Variants in ADAM10 observed in about 807,000 individuals in gnomAD.
ADAM10 encodes the protein ADAM metallopeptidase domain 10.
ADAM10 carries 17 observed loss-of-function variants against 90.1 expected under a neutral mutation model. That is an observed-to-expected ratio of 0.19 (90% CI 0.13 to 0.28). ADAM10 has a LOEUF of 0.28. ADAM10 is among the 10% of genes least tolerant of loss of function. The pLI is 1.00. For synonymous variants in ADAM10, 310 were observed against 298.6 expected, an observed-to-expected ratio of 1.04 and a Z score of -0.40; for missense variants, 610 against 914.3, an observed-to-expected ratio of 0.67 and a Z score of 4.29.
In ADAM10 at chr15:58,594,307, C is replaced by A. The variant is rs1184817555; in HGVS notation, c.*3240G>T. On this transcript the variant is annotated 3_prime_UTR_variant, in exon 16 of 16. Transcript: ENST00000260408. ...AATTAGAAATACTTAATAAGAAATG[C>A]CTTCTCATGCACAAGCCCCGAAATT... 6.6e-6 allele frequency: 1 copy of A among 152,202 alleles called. No homozygotes were observed. The allele number at this position is 152,202 out of a possible 1,614,324, so 9.4% of individuals were successfully genotyped here. A position where few individuals can be genotyped will look rare whatever the true frequency, so the allele number is the denominator to read the frequency against.
At chr15:58,724,694 C>T (rs911797015) in intron 1 of ADAM10, among the ~76,000 whole-genome samples, 2 of 152,168 alleles carry the variant, frequency 1.3e-5, no homozygotes, top group African/African-American at 4.8e-5. Context: ...AAGGGTTTGG[C>T]TGACTACTGA....
intron 1 of ADAM10, among the ~76,000 whole-genome samples, chr15:58,718,221 G>C (rs1426844088): frequency 6.6e-6 from 1 of 152,040 alleles, no homozygotes; most frequent in Non-Finnish European, 1.5e-5. Context: ...GCTTATTTCT[G>C]TACCTGCTCT....
At chr15:58,708,370 A>T (rs1173033293) in intron 2 of ADAM10, among the ~76,000 whole-genome samples, 3 of 152,082 alleles carry the variant, frequency 2.0e-5, no homozygotes, top group Non-Finnish European at 4.4e-5. Flanking sequence ...GATAAAAAAA[A>T]AATAATTGAG....
intron 11 of ADAM10, among the ~76,000 whole-genome samples, chr15:58,613,864 C>A (rs1276494330): frequency 6.6e-6 from 1 of 152,122 alleles, no homozygotes; most frequent in South Asian, 2.1e-4. Context: ...GCCTGTAATG[C>A]CAGAACTTTG....
At chr15:58,661,284 A>C (rs774284426) in intron 5 of ADAM10, among the ~76,000 whole-genome samples, 1 of 152,148 alleles carries the variant, frequency 6.6e-6, no homozygotes, top group Non-Finnish European at 1.5e-5. Context: ...CCGAGTTTCC[A>C]TCTGGTATCT....
intron 2 of ADAM10, among the ~76,000 whole-genome samples, chr15:58,696,193 A>G (rs2140782132): frequency 6.6e-6 from 1 of 152,162 alleles, no homozygotes; most frequent in Non-Finnish European, 1.5e-5. Flanking sequence ...AGAGGCTAAA[A>G]TGGGAGAATC....
At chr15:58,643,836 G>C in intron 7 of ADAM10, 50 bp downstream of exon 7, 1 of 1,318,208 alleles carries the variant, frequency 7.6e-7, no homozygotes, top group Non-Finnish European at 1.1e-6. Flanking sequence ...TGTAAACATA[G>C]TCTGGACTGT....
rs1322980873 is a variant in ADAM10, at chr15:58,590,731, G to T, written c.*6816C>A. ...AAAGGCTAACTCCCATACCCAAAGG[G>T]CAAGGGAAGAAAACGATAATAAAAT... On this transcript the variant is annotated 3_prime_UTR_variant, in exon 16 of 16. Transcript: ENST00000260408. The T allele has an allele frequency of 1.3e-5, 2 of 152,182 alleles. No homozygotes were observed. Among genetic ancestry groups the T allele is most frequent in the Admixed American group, 6.5e-5 (1 of 15,278 alleles). The allele number at this position is 152,182 out of a possible 1,614,324, so 9.4% of individuals were successfully genotyped here.
chr15:58,642,161 G>A (rs1396616787), intron 7 of ADAM10, among the ~76,000 whole-genome samples: 1 of 152,108 alleles, frequency 6.6e-6, no homozygotes, highest in Non-Finnish European at 1.5e-5. Context: ...TCTAATACTG[G>A]CTATAAATAA....
chr15:58,646,334 T>A, intron 5 of ADAM10, 130 bp from the exon 6 acceptor site: 1 of 907,230 alleles, frequency 1.1e-6, no homozygotes, highest in Non-Finnish European at 1.7e-6. Flanking sequence ...CTGCTGCCAT[T>A]AAAAGTTCAT....
intron 1 of ADAM10, among the ~76,000 whole-genome samples, chr15:58,745,634 T>C (rs1234490757): frequency 6.6e-6 from 1 of 152,076 alleles, no homozygotes; most frequent in African/African-American, 2.4e-5. Flanking sequence ...ATATTAAAAG[T>C]TGGATAAGGG....
chr15:58,722,604 A>G (rs1366031591), intron 1 of ADAM10, among the ~76,000 whole-genome samples: 1 of 151,396 alleles, frequency 6.6e-6, no homozygotes, highest in Non-Finnish European at 1.5e-5. Flanking sequence ...CATGCTCATG[A>G]GTGTCAGTTC....
rs756605663 is a variant in ADAM10 at position 58,610,322 on chromosome 15, T to C, written c.2000A>G (p.Tyr667Cys). 2 of 1,614,150 alleles carry C rather than the reference T, an allele frequency of 1.2e-6. No homozygotes were observed. Among genetic ancestry groups the C allele is most frequent in the Non-Finnish European group, 1.7e-6 (2 of 1,179,966 alleles). Residue 667 changes from tyrosine (Y) to cysteine (C), a missense_variant, in exon 14 of 16, where the codon TAT becomes TGT. Physicochemically the swap from Tyr to Cys is radical, Grantham distance 194 (BLOSUM62 -2). Coordinates refer to ENST00000260408, the MANE Select transcript of ADAM10 (RefSeq NM_001110.4). The stretch of plus-strand genomic sequence containing the variant: ...CACAATCCATTCAGCAATGTTTTCA[T>C]AGAGCTCTGGACTAAAAATTGCTTT... ...LKKAIFSPELYENIAEWIVAH... is the reference protein window; with the variant it reads ...LKKAIFSPELCENIAEWIVAH...
chr15:58,678,241 T>C (rs1402267783), intron 4 of ADAM10, among the ~76,000 whole-genome samples: 3 of 152,170 alleles, frequency 2.0e-5, no homozygotes, highest in African/African-American at 7.2e-5. Context: ...TAACAAGCAG[T>C]TGGACAGATG....
At chr15:58,696,838 G>A (rs1268831513) in intron 2 of ADAM10, among the ~76,000 whole-genome samples, 2 of 152,082 alleles carry the variant, frequency 1.3e-5, no homozygotes, top group East Asian at 3.9e-4. Flanking sequence ...CGATGATACT[G>A]CTCATGAACG....
rs1242639187 is a variant in ADAM10, at chr15:58,592,774, A to T, written c.*4773T>A. 2 of 148,604 alleles carry T rather than the reference A, an allele frequency of 1.3e-5. No individual in the cohort carries two copies. Among genetic ancestry groups the T allele is most frequent in the African/African-American group, 4.9e-5 (2 of 40,608 alleles). 9.2% of individuals were successfully genotyped at this position (148,604 alleles called of 1,614,324 possible). ...TTTAATATATATATATATATATATTAAATCGTGGTAGTATAACTTGGTACA... is the reference window on the plus strand; with the variant it reads ...TTTAATATATATATATATATATATTTAATCGTGGTAGTATAACTTGGTACA... On this transcript the variant is annotated 3_prime_UTR_variant, in exon 16 of 16. Transcript: ENST00000260408.
At chr15:58,672,974 T>C in intron 4 of ADAM10, 1 of 212,956 alleles carries the variant, frequency 4.7e-6, no homozygotes, top group Non-Finnish European at 1.0e-5. Flanking sequence ...ATAAATTATT[T>C]AGCACCCCTG....
Position 58,655,711 on chromosome 15 carries a change from G to A in ADAM10, c.585+9386C>T, listed in dbSNP as rs28857581. Among the ~76,000 whole-genome samples, 155 of 53,698 alleles carry A rather than the reference G, an allele frequency of 2.9e-3. 11 individuals carry two copies. The highest frequency in any genetic ancestry group is 0.012 in the African/African-American group (144 of 12,406). 35.2% of individuals were successfully genotyped at this position (53,698 alleles called of 152,430 possible). A position where few individuals can be genotyped will look rare whatever the true frequency, so the allele number is the denominator to read the frequency against. ...ATTATATATAGTATATATATATATAGTATATATATATATATATATATATAT... is the reference window on the plus strand; with the variant it reads ...ATTATATATAGTATATATATATATAATATATATATATATATATATATATAT... On this transcript the variant is annotated intron_variant, in intron 5 of 15. Coordinates refer to ENST00000260408, the MANE Select transcript of ADAM10 (RefSeq NM_001110.4).
chr15:58,598,675 T>C (rs1895024599), intron 15 of ADAM10, among the ~76,000 whole-genome samples: 1 of 152,210 alleles, frequency 6.6e-6, no homozygotes. Context: ...CCTGAGACAA[T>C]GTCTGTCCTC....
Sources: allele counts gnomAD v4.1 joint callset (sites outside exome capture counted in the v4.1 genomes callset), GRCh38; gene constraint gnomAD v4.1.1; transcripts MANE v1.5; gene names NCBI Gene and HGNC (gene_info 2026-07-23, HGNC 2026-07-21).